The following SCAPER variants were observed in gnomAD, a reference collection of about 807,000 sequenced individuals.
SCAPER encodes S-phase cyclin A associated protein in the ER.
Under a neutral mutation model 182.2 loss-of-function variants are expected in SCAPER, and 98 were observed. The ratio of observed to expected loss-of-function variants is 0.54; its 90% CI spans 0.46 to 0.64. SCAPER has a LOEUF of 0.64. SCAPER is among the 30% of genes least tolerant of loss of function. The pLI, the probability that SCAPER is intolerant of heterozygous loss-of-function variation, is 0.00. For missense variants in SCAPER, 1,432 were observed against 1,690.0 expected, an observed-to-expected ratio of 0.85 and a Z score of 2.68; for synonymous variants, 605 against 564.6, an observed-to-expected ratio of 1.07 and a Z score of -1.01.
intron 29 of SCAPER, among the ~76,000 whole-genome samples, chr15:76,355,247 T>C (rs1245325262): frequency 6.6e-6 from 1 of 152,220 alleles, no homozygotes; most frequent in Non-Finnish European, 1.5e-5. Context: ...AAAGTAATAG[T>C]TCACATATTT....
At chr15:76,821,408 C>T (rs2067530070) in intron 5 of SCAPER, among the ~76,000 whole-genome samples, 1 of 152,186 alleles carries the variant, frequency 6.6e-6, no homozygotes, top group Admixed American at 6.5e-5. Flanking sequence ...CACTTGAGCG[C>T]AGGAGTTGGA....
chr15:76,702,327 C>A (rs2059003204), intron 19 of SCAPER, among the ~76,000 whole-genome samples: 1 of 152,106 alleles, frequency 6.6e-6, no homozygotes, highest in Non-Finnish European at 1.5e-5. Flanking sequence ...AGGTAATCAT[C>A]CATTTTAATA....
At chr15:76,551,353 T>C (rs2045753891) in intron 23 of SCAPER, among the ~76,000 whole-genome samples, 1 of 151,946 alleles carries the variant, frequency 6.6e-6, no homozygotes, top group South Asian at 2.1e-4. Flanking sequence ...GAGATGTCTA[T>C]ACATAATGGA....
At chr15:76,535,503 C>A (rs1428120136) in intron 23 of SCAPER, among the ~76,000 whole-genome samples, 1 of 103,892 alleles carries the variant, frequency 9.6e-6, no homozygotes, top group Non-Finnish European at 1.7e-5. Context: ...GCCTGGGCGA[C>A]AGAGCAAGAC....
intron 8 of SCAPER, chr15:76,793,161 T>C (rs1186684459): frequency 2.1e-6 from 2 of 970,618 alleles, no homozygotes; most frequent in East Asian, 2.8e-5. Context: ...ACTAGAATTA[T>C]TTTTTATAAC....
At chr15:76,552,056 T>C (rs900402384) in intron 23 of SCAPER, among the ~76,000 whole-genome samples, 2 of 151,592 alleles carry the variant, frequency 1.3e-5, no homozygotes, top group African/African-American at 4.9e-5. Flanking sequence ...GAGGCTGAGG[T>C]AAGAAAATTG....
chr15:76,756,614 T>C (rs1224303798), intron 14 of SCAPER, among the ~76,000 whole-genome samples: 1 of 152,216 alleles, frequency 6.6e-6, no homozygotes, highest in Non-Finnish European at 1.5e-5. Flanking sequence ...ATGCAATTCC[T>C]GGTTGCCTTT....
intron 21 of SCAPER, among the ~76,000 whole-genome samples, chr15:76,631,382 T>G (rs1224738889): frequency 6.6e-6 from 1 of 152,236 alleles, no homozygotes; most frequent in Non-Finnish European, 1.5e-5. Flanking sequence ...TGCTTCATAA[T>G]GTCACTGGTC....
At chr15:76,810,553 A>AAC (rs1568210126) in intron 5 of SCAPER, among the ~76,000 whole-genome samples, 5,190 of 53,480 alleles carry the variant, frequency 0.097, 276 homozygotes, top group African/African-American at 0.28. Flanking sequence ...AAAAAAAACC[A>AAC]CACACACACA....
intron 24 of SCAPER, among the ~76,000 whole-genome samples, chr15:76,499,717 T>C (rs965728452): frequency 1.3e-5 from 2 of 152,102 alleles, no homozygotes; most frequent in African/African-American, 2.4e-5. Context: ...AGTGATAAGA[T>C]GAAGACACAA....
chr15:76,436,288 G>C (rs1311983192), intron 25 of SCAPER, among the ~76,000 whole-genome samples: 1 of 152,148 alleles, frequency 6.6e-6, no homozygotes, highest in Non-Finnish European at 1.5e-5. Flanking sequence ...GGCTAGTCTT[G>C]AATTCCCGAC....
intron 25 of SCAPER, among the ~76,000 whole-genome samples, chr15:76,453,461 G>C (rs2048514201): frequency 6.6e-6 from 1 of 152,144 alleles, no homozygotes; most frequent in African/African-American, 2.4e-5. Context: ...GAAGATTACA[G>C]GTTATTTTGA....
At chr15:76,495,943 T>C (rs2143533693) in intron 24 of SCAPER, among the ~76,000 whole-genome samples, 1 of 151,524 alleles carries the variant, frequency 6.6e-6, no homozygotes, top group East Asian at 1.9e-4. Context: ...TGAGCTGTAT[T>C]ATGCTACCAG....
chr15:76,529,266 C>T (rs2043439540), intron 23 of SCAPER, among the ~76,000 whole-genome samples: 1 of 152,110 alleles, frequency 6.6e-6, no homozygotes, highest in South Asian at 2.1e-4. Context: ...GGGTGATCTC[C>T]AATTTCTGGC....
At chr15:76,384,383 A>T (rs1262267016) in intron 27 of SCAPER, among the ~76,000 whole-genome samples, 1 of 152,204 alleles carries the variant, frequency 6.6e-6, no homozygotes, top group Non-Finnish European at 1.5e-5. Context: ...TATAATACTT[A>T]GTCTTTCTAG....
At chr15:76,433,232 G>A (rs1182876893) in intron 26 of SCAPER, among the ~76,000 whole-genome samples, 1 of 152,174 alleles carries the variant, frequency 6.6e-6, no homozygotes, top group African/African-American at 2.4e-5. Context: ...GAAAAGCCAG[G>A]TGTGGTGACT....
At chr15:76,443,190 G>T (rs926099291) in intron 25 of SCAPER, among the ~76,000 whole-genome samples, 1 of 152,128 alleles carries the variant, frequency 6.6e-6, no homozygotes, top group Non-Finnish European at 1.5e-5. Flanking sequence ...AATATAAGAG[G>T]TCTTCAAAAT....
intron 3 of SCAPER, 63 bp downstream of exon 3, chr15:76,862,353 T>C: frequency 9.8e-7 from 1 of 1,025,330 alleles, no homozygotes; most frequent in Non-Finnish European, 1.5e-6. Context: ...AGTCTATCTC[T>C]TTAGGACTAA....
intron 14 of SCAPER, among the ~76,000 whole-genome samples, chr15:76,762,008 TG>T (rs1219248304): frequency 6.6e-6 from 1 of 152,204 alleles, no homozygotes; most frequent in Non-Finnish European, 1.5e-5. Context: ...CCTGTTAAAC[TG>T]AATCTTTTAT....
Sources: allele counts gnomAD v4.1 joint callset (sites outside exome capture counted in the v4.1 genomes callset), GRCh38; gene constraint gnomAD v4.1.1; transcripts MANE v1.5; gene names NCBI Gene and HGNC (gene_info 2026-07-23, HGNC 2026-07-21).